The following NUAK1 variants were observed in gnomAD, a reference collection of about 807,000 sequenced individuals.
NUAK1 encodes NUAK family kinase 1, also known as NUAK family SNF1-like kinase 1.
NUAK1 carries 26 observed loss-of-function variants against 56.9 expected under a neutral mutation model. The ratio of observed to expected loss-of-function variants is 0.46; its 90% CI spans 0.33 to 0.63. The LOEUF is 0.63. Ranked by LOEUF, NUAK1 falls within the 30% of genes least tolerant of loss-of-function variation. The probability of loss-of-function intolerance (pLI) is 0.02; values close to 1 mark genes in which losing one functional copy is unlikely to be tolerated. For missense variants in NUAK1, 727 were observed against 876.1 expected (o/e 0.83, Z 2.15); for synonymous variants, 337 against 336.0 (o/e 1.00, Z -0.03).
chr12:106,088,650 G>A (rs553309046), intron 2 of NUAK1, among the ~76,000 whole-genome samples: 151 of 152,300 alleles, frequency 9.9e-4, no homozygotes, highest in African/African-American at 3.3e-3. Flanking sequence ...ACTTAGAACT[G>A]CTGGGAGGAC....
chr12:106,089,573 C>T (rs1389273539), intron 2 of NUAK1, among the ~76,000 whole-genome samples: 2 of 152,200 alleles, frequency 1.3e-5, no homozygotes, highest in Non-Finnish European at 2.9e-5. Context: ...AGGTGGATCA[C>T]TTGAGGCCAG....
chr12:106,118,703 T>C (rs192391276), intron 1 of NUAK1, among the ~76,000 whole-genome samples: 9 of 152,348 alleles, frequency 5.9e-5, no homozygotes, highest in African/African-American at 1.7e-4. Flanking sequence ...TGATGTACTG[T>C]ACACACAAAT....
At chr12:106,072,942 G>A in intron 4 of NUAK1, 99 bp from the exon 5 acceptor site, 1 of 1,398,072 alleles carries the variant, frequency 7.2e-7, no homozygotes, top group South Asian at 1.3e-5. Flanking sequence ...TGGATGAAGG[G>A]CACCTGGGTG....
intron 1 of NUAK1, among the ~76,000 whole-genome samples, chr12:106,122,428 T>C (rs867422614): frequency 6.6e-6 from 1 of 152,210 alleles, no homozygotes; most frequent in Non-Finnish European, 1.5e-5. Context: ...ATGATAATGG[T>C]GTTCACCTCT....
At chr12:106,128,263 T>C (rs1328268476) in intron 1 of NUAK1, among the ~76,000 whole-genome samples, 2 of 151,828 alleles carry the variant, frequency 1.3e-5, no homozygotes, top group African/African-American at 4.8e-5. Flanking sequence ...TACTGAGTAG[T>C]TGGGATTACT....
Position 106,066,511 on chromosome 12 carries a change from A to T in NUAK1, c.*291T>A. 2.3e-6 allele frequency: 1 copy of T among 430,732 alleles called. No individual in the cohort carries two copies. Among genetic ancestry groups the T allele is most frequent in the Non-Finnish European group, 4.2e-6 (1 of 237,074 alleles). 26.7% of individuals were successfully genotyped at this position (430,732 alleles called of 1,614,324 possible). ...TTCCACATATGCTTCCTCTCCACCCACTGAGTGCCGGTCAATACCACCTCC... is the reference window on the plus strand; with the variant it reads ...TTCCACATATGCTTCCTCTCCACCCTCTGAGTGCCGGTCAATACCACCTCC... On this transcript the variant is annotated 3_prime_UTR_variant, in exon 7 of 7. Coordinates refer to ENST00000261402, the MANE Select transcript of NUAK1 (RefSeq NM_014840.3).
chr12:106,097,765 G>A (rs2032709512), intron 2 of NUAK1, among the ~76,000 whole-genome samples: 1 of 152,186 alleles, frequency 6.6e-6, no homozygotes, highest in African/African-American at 2.4e-5. Context: ...GTGTACATCA[G>A]AGACACGTGG....
chr12:106,119,044 A>C (rs1301272316), intron 1 of NUAK1, among the ~76,000 whole-genome samples: 1 of 152,214 alleles, frequency 6.6e-6, no homozygotes, highest in East Asian at 1.9e-4. Flanking sequence ...GTTCCAACAG[A>C]GACTGGGTCT....
chr12:106,082,733 G>A (rs553568990), intron 4 of NUAK1, among the ~76,000 whole-genome samples: 1 of 152,282 alleles, frequency 6.6e-6, no homozygotes, highest in South Asian at 2.1e-4. Context: ...CTCAAAGGAT[G>A]ATGGTGACTA....
chr12:106,071,002 C>T (rs2032401554), intron 5 of NUAK1, 96 bp from the exon 6 acceptor site: 1 of 1,348,668 alleles, frequency 7.4e-7, no homozygotes, highest in African/African-American at 1.4e-5. Flanking sequence ...CAGCCACCCC[C>T]AGCAGCCCCA....
intron 4 of NUAK1, among the ~76,000 whole-genome samples, chr12:106,075,810 G>A (rs1322320279): frequency 6.6e-6 from 1 of 152,216 alleles, no homozygotes; most frequent in Non-Finnish European, 1.5e-5. Context: ...GTCTCAGTTG[G>A]GCACTGGTGT....
In NUAK1 at chr12:106,083,936, T is replaced by C. The variant is rs1453435358; in HGVS notation, c.514-7A>G. The stretch of plus-strand genomic sequence containing the variant: ...CCCGGTGGACCACACCGTTCTGAAA[T>C]GAGAAGACAAAGAGGGAATTGAATG... On this transcript the variant is annotated splice_region_variant and splice_polypyrimidine_tract_variant and intron_variant, in intron 3 of 6. Transcript: ENST00000261402. The C allele has an allele frequency of 6.8e-6, 11 of 1,613,254 alleles. No individual in the cohort carries two copies. Among genetic ancestry groups the C allele is most frequent in the South Asian group, 1.1e-5 (1 of 91,066 alleles).
chr12:106,075,066 C>A (rs2136457868), intron 4 of NUAK1, among the ~76,000 whole-genome samples: 1 of 152,276 alleles, frequency 6.6e-6, no homozygotes, highest in African/African-American at 2.4e-5. Context: ...GCTGCACATG[C>A]ACACACTCAC....
intron 1 of NUAK1, among the ~76,000 whole-genome samples, chr12:106,117,890 T>G (rs1025761763): frequency 6.6e-5 from 10 of 152,254 alleles, no homozygotes; most frequent in African/African-American, 2.4e-4. Context: ...TGTTCCCCTC[T>G]GTGTCCTCAA....
At chr12:106,092,446 A>C (rs1007455102) in intron 2 of NUAK1, among the ~76,000 whole-genome samples, 1 of 151,964 alleles carries the variant, frequency 6.6e-6, no homozygotes, top group African/African-American at 2.4e-5. Flanking sequence ...TGAACCCAGG[A>C]GAAGGAGGTT....
intron 3 of NUAK1, among the ~76,000 whole-genome samples, chr12:106,084,572 G>A (rs1335265131): frequency 1.3e-5 from 2 of 152,226 alleles, no homozygotes; most frequent in Non-Finnish European, 2.9e-5. Flanking sequence ...CCTGACCAAA[G>A]CAGGTGGCTG....
chr12:106,130,044 C>G (rs543623327), intron 1 of NUAK1, among the ~76,000 whole-genome samples: 4 of 152,016 alleles, frequency 2.6e-5, no homozygotes, highest in Non-Finnish European at 5.9e-5. Flanking sequence ...TGCAGTGGCG[C>G]GATCCTGACT....
chr12:106,108,970 A>T lies in NUAK1; in HGVS notation c.241-2445T>A, dbSNP rs186245995. On this transcript the variant is annotated intron_variant, in intron 1 of 6. Coordinates refer to ENST00000261402, the MANE Select transcript of NUAK1 (RefSeq NM_014840.3). Reference sequence around the variant, plus strand: ...TGAGGAAACTAAAAGGGCTCCATAAATGTTAATAAGCATAGTGGCTGTCTC... The same window carrying T: ...TGAGGAAACTAAAAGGGCTCCATAATTGTTAATAAGCATAGTGGCTGTCTC... 2.2e-3 allele frequency among the ~76,000 whole-genome samples: 331 copies of T among 152,278 alleles called. 2 individuals are homozygous for T. Among genetic ancestry groups the T allele is most frequent in the African/African-American group, 7.5e-3 (312 of 41,556 alleles).
intron 6 of NUAK1, among the ~76,000 whole-genome samples, chr12:106,069,100 T>C (rs1413184983): frequency 6.6e-6 from 1 of 152,216 alleles, no homozygotes; most frequent in Non-Finnish European, 1.5e-5. Flanking sequence ...TATCTATATA[T>C]ACACATACAA....
Sources: allele counts gnomAD v4.1 joint callset (sites outside exome capture counted in the v4.1 genomes callset), GRCh38; gene constraint gnomAD v4.1.1; transcripts MANE v1.5; gene names NCBI Gene and HGNC (gene_info 2026-07-23, HGNC 2026-07-21).